Variants in RELN observed in about 807,000 individuals in gnomAD.
The protein encoded by RELN is reelin.
In RELN, 108 loss-of-function variants were observed where a neutral mutation model predicts 427.6. The observed-to-expected ratio is 0.25, with a 90% confidence interval of 0.22 to 0.30. RELN has a LOEUF of 0.30. RELN is among the 10% of genes least tolerant of loss of function. The pLI is 1.00. For missense variants in RELN, 3,715 were observed against 4,302.8 expected, an observed-to-expected ratio of 0.86 and a Z score of 3.82; for synonymous variants, 1,524 against 1,513.4, an observed-to-expected ratio of 1.01 and a Z score of -0.16.
intron 28 of RELN, among the ~76,000 whole-genome samples, chr7:103,584,879 G>A (rs563121032): frequency 1.3e-5 from 2 of 152,122 alleles, no homozygotes; most frequent in East Asian, 3.9e-4. Flanking sequence ...GACCATGGCA[G>A]AATAGAATTA....
intron 1 of RELN, among the ~76,000 whole-genome samples, chr7:103,959,235 G>A (rs1294896893): frequency 6.6e-6 from 1 of 152,106 alleles, no homozygotes; most frequent in Non-Finnish European, 1.5e-5. Flanking sequence ...GAGCCATCAT[G>A]CCTGGCTGAT....
chr7:103,495,815 G>T lies in RELN; in HGVS notation c.9277C>A (p.Leu3093Ile). ...TCCTTCTTTTTATTTGGCCAATAGA[G>T]GTGAAAGGATGGATTGCCACAAAAT... is the stretch of plus-strand genomic sequence containing the variant. ...AGFCGNPSFH[L>I]YWPNKKKDKT... The change falls in exon 57 of 65, where the codon CTC becomes ATC. Residue 3093 changes from leucine (L) to isoleucine (I), a missense_variant. Physicochemically the swap from Leu to Ile is conservative, Grantham distance 5. This residue lies in a region of RELN where 1,310 missense variants were observed against 1,643.0 expected (regional missense o/e 0.80). Transcript: ENST00000428762. 2 of 1,613,968 alleles carry T rather than the reference G, an allele frequency of 1.2e-6. No individual in the cohort carries two copies. Among genetic ancestry groups the T allele is most frequent in the Non-Finnish European group, 1.7e-6 (2 of 1,179,962 alleles).
At chr7:103,904,027 C>T (rs1420757058) in intron 2 of RELN, among the ~76,000 whole-genome samples, 1 of 152,062 alleles carries the variant, frequency 6.6e-6, no homozygotes, top group Non-Finnish European at 1.5e-5. Flanking sequence ...CGACAGGCCC[C>T]AGGTGTGTGT....
chr7:103,878,945 T>C (rs1057266747), intron 2 of RELN, among the ~76,000 whole-genome samples: 3 of 152,124 alleles, frequency 2.0e-5, no homozygotes, highest in Non-Finnish European at 4.4e-5. Context: ...AGACTTGGAG[T>C]GAAGTCATAA....
intron 51 of RELN, among the ~76,000 whole-genome samples, chr7:103,508,322 T>C (rs556556837): frequency 6.6e-6 from 1 of 151,604 alleles, no homozygotes; most frequent in East Asian, 1.9e-4. Flanking sequence ...CAAGATCAAG[T>C]TGGCTTCATC....
At chr7:103,889,557 A>G (rs1794799642) in intron 2 of RELN, among the ~76,000 whole-genome samples, 1 of 152,178 alleles carries the variant, frequency 6.6e-6, no homozygotes, top group Non-Finnish European at 1.5e-5. Flanking sequence ...GTCACCGTTG[A>G]TACAAACGGG....
chr7:103,518,142 T>C (rs1829611976), intron 49 of RELN, among the ~76,000 whole-genome samples: 1 of 152,090 alleles, frequency 6.6e-6, no homozygotes, highest in South Asian at 2.1e-4. Context: ...AGTACTTTTT[T>C]TGGGGATGTA....
intron 33 of RELN, 71 bp from the exon 34 acceptor site, chr7:103,565,622 T>A: frequency 6.7e-7 from 1 of 1,482,158 alleles, no homozygotes; most frequent in Non-Finnish European, 9.3e-7. Context: ...ATGCTTATAA[T>A]AAACATCTTC....
intron 1 of RELN, among the ~76,000 whole-genome samples, chr7:103,923,899 G>C (rs1795668981): frequency 6.6e-6 from 1 of 152,098 alleles, no homozygotes; most frequent in Admixed American, 6.6e-5. Flanking sequence ...CTACATGCCA[G>C]GTATTGTTCT....
chr7:103,706,124 A>G (rs1406818329), intron 8 of RELN, among the ~76,000 whole-genome samples: 1 of 152,126 alleles, frequency 6.6e-6, no homozygotes, highest in African/African-American at 2.4e-5. Context: ...TAAATTCAAT[A>G]ACGATATGAA....
Position 103,934,510 on chromosome 7 carries a change from A to G in RELN, c.227-17325T>C, listed in dbSNP as rs61729433. ...TCACTTCCAAATTTAGCTTCCAAAGATAGTCCAGCTTCCCAGCCTCAGAAT... is the reference window on the plus strand; with the variant it reads ...TCACTTCCAAATTTAGCTTCCAAAGGTAGTCCAGCTTCCCAGCCTCAGAAT... On this transcript the variant is annotated intron_variant, in intron 1 of 64. Coordinates refer to ENST00000428762, the MANE Select transcript of RELN (RefSeq NM_005045.4). 5.1e-3 allele frequency among the ~76,000 whole-genome samples: 781 copies of G among 152,308 alleles called. 2 individuals are homozygous for G. The highest frequency in any genetic ancestry group is 7.7e-3 in the Non-Finnish European group (527 of 68,016).
intron 8 of RELN, among the ~76,000 whole-genome samples, chr7:103,716,623 T>C (rs1345309450): frequency 2.6e-5 from 4 of 152,198 alleles, no homozygotes; most frequent in Non-Finnish European, 5.9e-5. Context: ...CAGTATGAAA[T>C]CCCTAACCTA....
At chr7:103,570,449 C>G (rs773717869) in intron 31 of RELN, among the ~76,000 whole-genome samples, 1 of 152,250 alleles carries the variant, frequency 6.6e-6, no homozygotes, top group Non-Finnish European at 1.5e-5. Flanking sequence ...GCACCTCCCA[C>G]TGCATAAATT....
rs1038574999 is a variant in RELN at position 103,652,569 on chromosome 7, G to A, written c.1745C>T (p.Thr582Met). The A allele has an allele frequency of 3.1e-6, 5 of 1,612,522 alleles. No homozygotes were observed. Among genetic ancestry groups the A allele is most frequent in the South Asian group, 1.1e-5 (1 of 91,066 alleles). ...TTCCTACCTGTTACCAGGCTGATGC[G>A]TTCCACATCCCAGATTGATGGAAAA... is the stretch of plus-strand genomic sequence containing the variant. The part of the protein sequence containing the change: ...IQFSINLGCG[T>M]HQPGNSVSLE... Residue 582 changes from threonine to methionine, a missense_variant, in exon 14 of 65, where the codon ACG becomes ATG. By Grantham distance (81) the Thr-to-Met change is moderately conservative. Transcript: ENST00000428762.
chr7:103,607,707 T>A (rs1011508323), intron 22 of RELN, among the ~76,000 whole-genome samples: 3 of 152,256 alleles, frequency 2.0e-5, no homozygotes, highest in African/African-American at 7.2e-5. Context: ...CTCTTCATAG[T>A]TATGTTACCT....
At chr7:103,587,995 A>G (rs1230554694) in intron 28 of RELN, among the ~76,000 whole-genome samples, 3 of 152,220 alleles carry the variant, frequency 2.0e-5, no homozygotes, top group Non-Finnish European at 2.9e-5. Flanking sequence ...TCAAAACACT[A>G]AAAATAAAAT....
intron 62 of RELN, among the ~76,000 whole-genome samples, 178 bp downstream of exon 62, chr7:103,483,475 C>G (rs1418408891): frequency 6.6e-6 from 1 of 152,212 alleles, no homozygotes; most frequent in Non-Finnish European, 1.5e-5. Context: ...CCTTTCTTGT[C>G]CTAATCGAAA....
intron 22 of RELN, among the ~76,000 whole-genome samples, chr7:103,608,002 T>C (rs1175783571): frequency 6.6e-6 from 1 of 152,236 alleles, no homozygotes; most frequent in Non-Finnish European, 1.5e-5. Flanking sequence ...TTGCCCTATC[T>C]AGCACATTTC....
chr7:103,612,817 G>A (rs1831991897), intron 20 of RELN, among the ~76,000 whole-genome samples: 1 of 152,078 alleles, frequency 6.6e-6, no homozygotes, highest in African/African-American at 2.4e-5. Flanking sequence ...TTGAAGGCAG[G>A]CAAATTAATT....
Sources: allele counts gnomAD v4.1 joint callset (sites outside exome capture counted in the v4.1 genomes callset), GRCh38; gene constraint gnomAD v4.1.1; regional missense constraint gnomAD v4.1.1; transcripts MANE v1.5; gene names NCBI Gene and HGNC (gene_info 2026-07-23, HGNC 2026-07-21).